Variants in AKT3 observed in about 807,000 individuals in gnomAD.
AKT3 encodes the protein AKT serine/threonine kinase 3, also known as RAC-gamma serine/threonine-protein kinase.
Under a neutral mutation model 65.3 loss-of-function variants are expected in AKT3, and 15 were observed. The ratio of observed to expected loss-of-function variants is 0.23; its 90% CI spans 0.15 to 0.35. AKT3 has a LOEUF of 0.35. Ranked by LOEUF, AKT3 falls within the 10% of genes least tolerant of loss-of-function variation. AKT3 has a pLI of 1.00. For synonymous variants in AKT3, 206 were observed against 183.8 expected, an observed-to-expected ratio of 1.12 and a Z score of -0.98; for missense variants, 243 against 576.5, an observed-to-expected ratio of 0.42 and a Z score of 5.92.
chr1:243,653,454 C>T (rs1681528517), intron 4 of AKT3, among the ~76,000 whole-genome samples: 1 of 152,110 alleles, frequency 6.6e-6, no homozygotes, highest in African/African-American at 2.4e-5. Flanking sequence ...TGAAACTATT[C>T]CAAACAATAG....
At chr1:243,645,521 C>T (rs1332453803) in intron 5 of AKT3, among the ~76,000 whole-genome samples, 1 of 152,070 alleles carries the variant, frequency 6.6e-6, no homozygotes, top group Admixed American at 6.5e-5. Flanking sequence ...CATTACTGCT[C>T]GTGCTTTTCG....
chr1:243,810,653 G>A (rs1359427049), intron 2 of AKT3, among the ~76,000 whole-genome samples: 1 of 152,084 alleles, frequency 6.6e-6, no homozygotes, highest in Non-Finnish European at 1.5e-5. Context: ...AGAAAAAGAG[G>A]GAATCCTCCC....
chr1:243,638,005 C>T (rs1680101248), intron 5 of AKT3, among the ~76,000 whole-genome samples: 1 of 151,930 alleles, frequency 6.6e-6, no homozygotes, highest in Non-Finnish European at 1.5e-5. Context: ...TGTAAAAGGG[C>T]AAAGGAGGAA....
chr1:243,708,604 C>A (rs549999513), intron 2 of AKT3, among the ~76,000 whole-genome samples: 2 of 152,028 alleles, frequency 1.3e-5, no homozygotes, highest in Non-Finnish European at 1.5e-5. Context: ...TTTCTTAAAA[C>A]CAAGGCATCA....
chr1:243,489,187 T>C (rs780423963), intron 13 of AKT3: 2 of 1,602,056 alleles, frequency 1.2e-6, no homozygotes, highest in South Asian at 2.2e-5. Context: ...GGCGGGCGTC[T>C]ACAGGTGGAT....
chr1:243,657,653 C>T (rs973623793), intron 4 of AKT3, among the ~76,000 whole-genome samples: 3 of 152,082 alleles, frequency 2.0e-5, no homozygotes, highest in South Asian at 2.1e-4. Context: ...TCCTAAAATT[C>T]GTATGGAAAC....
intron 4 of AKT3, among the ~76,000 whole-genome samples, chr1:243,657,989 A>C (rs1466971408): frequency 6.6e-6 from 1 of 152,184 alleles, no homozygotes; most frequent in Non-Finnish European, 1.5e-5. Context: ...AAATGGATCA[A>C]AGAATAAATA....
chr1:243,531,279 G>C (rs1192809520), intron 12 of AKT3, among the ~76,000 whole-genome samples: 2 of 151,968 alleles, frequency 1.3e-5, no homozygotes, highest in African/African-American at 4.8e-5. Flanking sequence ...TTTTGGTAAA[G>C]GTGGGGTTTT....
chr1:243,839,094 T>C (rs867559174), intron 2 of AKT3, among the ~76,000 whole-genome samples: 57 of 152,188 alleles, frequency 3.7e-4, no homozygotes, highest in African/African-American at 1.4e-3. Context: ...CTTAGGTTTT[T>C]ATGAAATTTT....
intron 3 of AKT3, among the ~76,000 whole-genome samples, chr1:243,670,920 A>G (rs1683113547): frequency 6.6e-6 from 1 of 152,200 alleles, no homozygotes; most frequent in African/African-American, 2.4e-5. Context: ...TCAGACCAAG[A>G]AATACATACA....
Position 243,803,350 on chromosome 1 carries a change from G to A in AKT3, c.46+39775C>T, listed in dbSNP as rs151287790. On this transcript the variant is annotated intron_variant, in intron 2 of 13. Transcript: ENST00000673466. The stretch of plus-strand genomic sequence containing the variant: ...CCAAGGAGAAATCCAGGTTGGTGGG[G>A]CAAGTGGGGGACAGGATGGTTGTTT... Among the ~76,000 whole-genome samples the A allele has an allele frequency of 1.4e-3, 214 of 152,168 alleles. 2 individuals are homozygous for A. The East Asian group carries it at 0.032, about 23-fold the overall frequency.
At chr1:243,716,163 A>G (rs1467213296) in intron 2 of AKT3, among the ~76,000 whole-genome samples, 1 of 152,128 alleles carries the variant, frequency 6.6e-6, no homozygotes, top group East Asian at 1.9e-4. Flanking sequence ...TATAATCACA[A>G]TTCTGATATC....
chr1:243,490,749 A>G (rs942099582), intron 13 of AKT3, among the ~76,000 whole-genome samples: 1 of 152,308 alleles, frequency 6.6e-6, no homozygotes, highest in East Asian at 1.9e-4. Flanking sequence ...GGAGAGGTTC[A>G]GGGAAGGCAG....
chr1:243,646,020 G>C lies in AKT3; in HGVS notation c.302C>G (p.Ala101Gly). The C allele has an allele frequency of 6.2e-7, 1 of 1,606,312 alleles. No homozygotes were observed. Among genetic ancestry groups the C allele is most frequent in the Non-Finnish European group, 8.5e-7 (1 of 1,177,482 alleles). Residue 101 changes from alanine (A) to glycine (G), a missense_variant, in exon 5 of 14, where the codon GCT (alanine) becomes GGT (glycine). This residue lies in a region of AKT3 where 72 missense variants were observed against 86.0 expected (regional missense o/e 0.84). Transcript: ENST00000673466. ...CAGTCTGTCTGCTACAGCCTGGATAGCTTCTGTCCATTCTTCCCTATAAAA... is the reference window on the plus strand; with the variant it reads ...CAGTCTGTCTGCTACAGCCTGGATACCTTCTGTCCATTCTTCCCTATAAAA... The part of the protein sequence containing the change: ...TPEEREEWTE[A>G]IQAVADRLQR...
intron 1 of AKT3, 134 bp from the exon 2 acceptor site, chr1:243,843,416 A>C: frequency 9.0e-7 from 1 of 1,114,720 alleles, no homozygotes. Flanking sequence ...CAAACTGGGG[A>C]ACTTATTTAT....
chr1:243,667,606 A>C (rs2147930985), intron 3 of AKT3, among the ~76,000 whole-genome samples: 1 of 152,268 alleles, frequency 6.6e-6, no homozygotes, highest in East Asian at 1.9e-4. Context: ...ATTCCAAAAA[A>C]CTTAGAATAG....
At chr1:243,811,913 C>A (rs575750849) in intron 2 of AKT3, among the ~76,000 whole-genome samples, 268 of 152,258 alleles carry the variant, frequency 1.8e-3, no homozygotes, top group South Asian at 3.7e-3. Flanking sequence ...CAAAAACAAG[C>A]AATGGGGAAA....
chr1:243,609,730 A>T (rs1332146209), intron 8 of AKT3, among the ~76,000 whole-genome samples: 3 of 152,222 alleles, frequency 2.0e-5, no homozygotes, highest in African/African-American at 7.2e-5. Flanking sequence ...TTCTGAAGAA[A>T]AACAAAGATA....
intron 9 of AKT3, among the ~76,000 whole-genome samples, chr1:243,572,105 T>C (rs1023512208): frequency 1.3e-5 from 2 of 152,206 alleles, no homozygotes; most frequent in Non-Finnish European, 2.9e-5. Flanking sequence ...AAATGTGTCG[T>C]GGTACAAATT....
Sources: gnomAD v4.1 joint callset for allele counts (sites outside exome capture counted in the v4.1 genomes callset) on GRCh38, gnomAD v4.1.1 for gene constraint, gnomAD v4.1.1 regional missense constraint, MANE v1.5 for transcripts, NCBI Gene and HGNC (gene_info 2026-07-23, HGNC 2026-07-21) for gene names.